The following XKR6 variants were observed in gnomAD, a reference collection of about 807,000 sequenced individuals.
XKR6 encodes the protein XK-related protein 6.
In XKR6, 22 loss-of-function variants were observed where a neutral mutation model predicts 56.7. The observed-to-expected ratio is 0.39, with a 90% CI of 0.28 to 0.55. The LOEUF (loss-of-function observed/expected upper bound fraction) is 0.55. Ranked by LOEUF, XKR6 falls within the 20% of genes least tolerant of loss-of-function variation. The pLI is 0.66. For missense variants in XKR6, 852 were observed against 889.0 expected, an observed-to-expected ratio of 0.96 and a Z score of 0.53; for synonymous variants, 524 against 387.8, an observed-to-expected ratio of 1.35 and a Z score of -4.13.
chr8:11,036,189 C>T (rs1799138943), intron 1 of XKR6, among the ~76,000 whole-genome samples: 1 of 152,102 alleles, frequency 6.6e-6, no homozygotes, highest in African/African-American at 2.4e-5. Flanking sequence ...CTCAAGTGAT[C>T]CTCCTGCCTC....
In XKR6 at chr8:11,130,839, A is replaced by G. The variant is rs1482675907; in HGVS notation, c.764+69737T>C. Among the ~76,000 whole-genome samples the G allele has an allele frequency of 2.0e-5, 3 of 151,938 alleles. No individual in the cohort carries two copies. In the East Asian group the frequency reaches 5.8e-4, roughly 29 times the overall value. On this transcript the variant is annotated intron_variant, in intron 1 of 2. Transcript: ENST00000416569. ...CCCAGAATCAACACAGACCTTCAGG[A>G]CTCCAGTCCCTTAAGTATATGCCAC...
intron 1 of XKR6, among the ~76,000 whole-genome samples, chr8:11,031,668 A>T (rs1798996430): frequency 6.6e-6 from 1 of 151,768 alleles, no homozygotes; most frequent in Non-Finnish European, 1.5e-5. Context: ...CAGATTTCAG[A>T]TGAGGCCTGA....
intron 1 of XKR6, among the ~76,000 whole-genome samples, chr8:11,148,491 C>T (rs1301429488): frequency 1.3e-5 from 2 of 152,162 alleles, no homozygotes; most frequent in Non-Finnish European, 2.9e-5. Context: ...TGTTTAAGCG[C>T]CCCAGTTTGT....
At chr8:11,007,794 C>A (rs2129144861) in intron 1 of XKR6, among the ~76,000 whole-genome samples, 1 of 152,338 alleles carries the variant, frequency 6.6e-6, no homozygotes, top group East Asian at 1.9e-4. Flanking sequence ...CTGGTGTCCC[C>A]TGGCTTCCTG....
intron 2 of XKR6, among the ~76,000 whole-genome samples, chr8:10,904,176 T>A (rs1259717717): frequency 6.6e-6 from 1 of 152,102 alleles, no homozygotes; most frequent in African/African-American, 2.4e-5. Flanking sequence ...CCTTCACAGC[T>A]CCCTTTCCCT....
chr8:11,122,226 C>G lies in XKR6; in HGVS notation c.764+78350G>C, dbSNP rs563091327. 3.2e-4 allele frequency among the ~76,000 whole-genome samples: 49 copies of G among 152,358 alleles called. 1 individual carries two copies. Among genetic ancestry groups the G allele is most frequent in the African/African-American group, 1.2e-3 (48 of 41,582 alleles). Reference sequence around the variant, plus strand: ...TTTATGGGACACCCACTATTACAGACAGAAGACATGAAACCAGTCAGGCTG... The same window carrying G: ...TTTATGGGACACCCACTATTACAGAGAGAAGACATGAAACCAGTCAGGCTG... On this transcript the variant is annotated intron_variant, in intron 1 of 2. Transcript: ENST00000416569.
intron 1 of XKR6, among the ~76,000 whole-genome samples, chr8:10,944,542 C>T (rs1248309488): frequency 6.6e-6 from 1 of 152,220 alleles, no homozygotes; most frequent in Admixed American, 6.5e-5. Context: ...CAGACTCCCT[C>T]AGGACCACTC....
At chr8:11,006,656 A>T (rs1457014133) in intron 1 of XKR6, among the ~76,000 whole-genome samples, 1 of 152,166 alleles carries the variant, frequency 6.6e-6, no homozygotes, top group African/African-American at 2.4e-5. Context: ...TTGGTGTTCC[A>T]AGCAGAGGGA....
At chr8:10,960,505 C>T (rs1187981048) in intron 1 of XKR6, among the ~76,000 whole-genome samples, 4 of 152,194 alleles carry the variant, frequency 2.6e-5, no homozygotes, top group African/African-American at 9.7e-5. Context: ...TCACACGCCT[C>T]CACAAGAAAG....
chr8:10,899,425 T>C (rs937386083), intron 2 of XKR6, among the ~76,000 whole-genome samples: 3 of 152,240 alleles, frequency 2.0e-5, no homozygotes, highest in African/African-American at 7.2e-5. Context: ...TTCTGCCTTT[T>C]CCTCACCTCA....
At chr8:11,174,597 G>A (rs1802563192) in intron 1 of XKR6, among the ~76,000 whole-genome samples, 1 of 152,128 alleles carries the variant, frequency 6.6e-6, no homozygotes, top group Non-Finnish European at 1.5e-5. Flanking sequence ...ATTATAATTA[G>A]ACATTCTGTT....
intron 1 of XKR6, among the ~76,000 whole-genome samples, chr8:11,081,948 C>T (rs976126697): frequency 2.0e-5 from 3 of 152,198 alleles, no homozygotes; most frequent in Non-Finnish European, 2.9e-5. Flanking sequence ...GGGTGGTTCA[C>T]GGTTCTGTTC....
intron 1 of XKR6, among the ~76,000 whole-genome samples, chr8:11,102,915 C>T (rs1051362130): frequency 6.6e-6 from 1 of 152,162 alleles, no homozygotes; most frequent in Non-Finnish European, 1.5e-5. Context: ...ATAAGGTGGT[C>T]ATCAACCTCA....
intron 2 of XKR6, among the ~76,000 whole-genome samples, chr8:10,914,594 G>A (rs552695359): frequency 6.6e-6 from 1 of 152,290 alleles, no homozygotes; most frequent in Non-Finnish European, 1.5e-5. Flanking sequence ...TGGGCTTCAG[G>A]AGGCTCTTCT....
chr8:11,076,808 C>A (rs1335284242), intron 1 of XKR6, among the ~76,000 whole-genome samples: 1 of 152,196 alleles, frequency 6.6e-6, no homozygotes, highest in Non-Finnish European at 1.5e-5. Context: ...CCCGTGCCCA[C>A]TGCTACCTTG....
At chr8:10,974,159 A>G (rs552344506) in intron 1 of XKR6, among the ~76,000 whole-genome samples, 1 of 152,312 alleles carries the variant, frequency 6.6e-6, no homozygotes, top group East Asian at 1.9e-4. Flanking sequence ...TAAGTACCCC[A>G]GGAGGTACTT....
intron 1 of XKR6, among the ~76,000 whole-genome samples, chr8:10,994,464 G>T (rs148852182): frequency 9.5e-4 from 145 of 152,318 alleles, no homozygotes; most frequent in Non-Finnish European, 1.5e-3. Flanking sequence ...CCAGCAGCAA[G>T]ATTCTTTGCC....
rs546929976 is a variant in XKR6, at chr8:10,974,280, A to G, written c.765-49450T>C. 1.0e-3 allele frequency among the ~76,000 whole-genome samples: 155 copies of G among 152,340 alleles called. 1 individual carries two copies. Among genetic ancestry groups the G allele is most frequent in the African/African-American group, 3.7e-3 (152 of 41,586 alleles). Reference sequence around the variant, plus strand: ...TGAATAAGCCGGGAATTAGAGTAAAATATGCTGCACCTGAGAGGGCCTGTG... The same window carrying G: ...TGAATAAGCCGGGAATTAGAGTAAAGTATGCTGCACCTGAGAGGGCCTGTG... On this transcript the variant is annotated intron_variant, in intron 1 of 2. Transcript: ENST00000416569.
intron 1 of XKR6, among the ~76,000 whole-genome samples, chr8:11,187,033 T>C (rs575967470): frequency 6.6e-6 from 1 of 152,346 alleles, no homozygotes; most frequent in Non-Finnish European, 1.5e-5. Flanking sequence ...ATTCTACCCA[T>C]CAGTCTTTTC....
Sources: gnomAD v4.1 joint callset for allele counts (sites outside exome capture counted in the v4.1 genomes callset) on GRCh38, gnomAD v4.1.1 for gene constraint, MANE v1.5 for transcripts, NCBI Gene and HGNC (gene_info 2026-07-23, HGNC 2026-07-21) for gene names.